The following ANO3 variants were observed in gnomAD, a reference collection of about 807,000 sequenced individuals.
ANO3 encodes anoctamin-3.
A neutral mutation model predicts 144.8 loss-of-function variants in ANO3; 99 were observed. The observed-to-expected ratio is 0.68, with a 90% CI of 0.58 to 0.81. The LOEUF (loss-of-function observed/expected upper bound fraction) is 0.81, where lower values mean the gene tolerates loss of function less well. Ranked by LOEUF, ANO3 falls within the 30% of genes least tolerant of loss-of-function variation. The pLI is 0.00. For synonymous variants in ANO3, 414 were observed against 392.6 expected, an observed-to-expected ratio of 1.05 and a Z score of -0.64; for missense variants, 905 against 1,202.2, an observed-to-expected ratio of 0.75 and a Z score of 3.66.
chr11:26,646,240 A>C (rs1485675815), intron 23 of ANO3, among the ~76,000 whole-genome samples: 2 of 152,166 alleles, frequency 1.3e-5, no homozygotes, highest in East Asian at 3.8e-4. Flanking sequence ...TTTTAATAGA[A>C]TAGTAATATT....
intron 4 of ANO3, among the ~76,000 whole-genome samples, chr11:26,464,048 T>C (rs1420089833): frequency 1.3e-5 from 2 of 151,910 alleles, no homozygotes; most frequent in Admixed American, 1.3e-4. Context: ...ACAATTTTCT[T>C]GGTGATATTT....
intron 1 of ANO3, among the ~76,000 whole-genome samples, chr11:26,414,884 A>G (rs1362074526): frequency 6.6e-6 from 1 of 151,962 alleles, no homozygotes; most frequent in East Asian, 1.9e-4. Flanking sequence ...TGATCATTAT[A>G]ATCTGGCCAA....
chr11:26,260,611 A>ATTTTAT, intron 1 of ANO3, among the ~76,000 whole-genome samples: 1 of 152,168 alleles, frequency 6.6e-6, no homozygotes, highest in African/African-American at 2.4e-5. Flanking sequence ...AGGGCAAGAA[A>ATTTTAT]AGATCCTGAT....
intron 6 of ANO3, among the ~76,000 whole-genome samples, chr11:26,524,215 A>G (rs555300301): frequency 2.0e-5 from 3 of 152,322 alleles, no homozygotes; most frequent in African/African-American, 7.2e-5. Context: ...AATTGAGTGA[A>G]GTACGCACAC....
intron 1 of ANO3, among the ~76,000 whole-genome samples, chr11:26,422,047 C>T (rs570523679): frequency 2.0e-5 from 3 of 151,984 alleles, no homozygotes; most frequent in Non-Finnish European, 2.9e-5. Flanking sequence ...CAAATGCCCA[C>T]GACACAAGTT....
At chr11:26,216,532 T>C (rs1025750118) in intron 1 of ANO3, among the ~76,000 whole-genome samples, 5 of 152,044 alleles carry the variant, frequency 3.3e-5, no homozygotes, top group Admixed American at 1.3e-4. Flanking sequence ...GTTAAAGATA[T>C]ATTGAATGCT....
rs928402639 is a variant in ANO3, at chr11:26,231,799, C to T, written c.154+42469C>T. ...ATGCTTGGTGCAGTTCATGTAAGATCGTAGTCAATAAATGTTATTTATTAT... is the reference window on the plus strand; with the variant it reads ...ATGCTTGGTGCAGTTCATGTAAGATTGTAGTCAATAAATGTTATTTATTAT... On this transcript the variant is annotated intron_variant, in intron 1 of 27. Transcript: ENST00000672621. 3.3e-5 allele frequency among the ~76,000 whole-genome samples: 5 copies of T among 152,098 alleles called. No homozygotes were observed. The South Asian group carries it at 6.2e-4, about 19-fold the overall frequency.
At chr11:26,621,255 C>T (rs1238921207) in intron 17 of ANO3, among the ~76,000 whole-genome samples, 3 of 152,238 alleles carry the variant, frequency 2.0e-5, no homozygotes, top group East Asian at 3.9e-4. Context: ...AAAATGCTTA[C>T]CATGGCCTAC....
chr11:26,576,601 C>G (rs150254227), intron 14 of ANO3, among the ~76,000 whole-genome samples: 2 of 152,300 alleles, frequency 1.3e-5, no homozygotes, highest in East Asian at 3.9e-4. Flanking sequence ...TTTCTCTGAT[C>G]ACACTTTGTA....
intron 4 of ANO3, among the ~76,000 whole-genome samples, chr11:26,504,120 G>A (rs1278985980): frequency 6.6e-6 from 1 of 152,194 alleles, no homozygotes; most frequent in Non-Finnish European, 1.5e-5. Flanking sequence ...GGAGATGCCT[G>A]TAAGCAGTGA....
intron 18 of ANO3, among the ~76,000 whole-genome samples, chr11:26,633,944 G>T (rs1204025057): frequency 6.6e-6 from 1 of 152,016 alleles, no homozygotes; most frequent in African/African-American, 2.4e-5. Flanking sequence ...CAGGCATGGT[G>T]GCGGGCGCTT....
Position 26,435,549 on chromosome 11 carries a change from G to T in ANO3, c.47-6369G>T, listed in dbSNP as rs115812431. ...GGGATTCCAGTGATTCATAGATTTG[G>T]TCTCTTGACATAATCCCACATTTAT... On this transcript the variant is annotated intron_variant, in intron 1 of 26. Coordinates refer to ENST00000256737, the MANE Select transcript of ANO3 (RefSeq NM_031418.4). Among the ~76,000 whole-genome samples, 1,008 of 152,156 alleles carry T rather than the reference G, an allele frequency of 6.6e-3. 22 individuals carry two copies. The highest frequency in any genetic ancestry group is 0.024 in the African/African-American group (985 of 41,510).
At chr11:26,623,364 A>C (rs1852477436) in intron 17 of ANO3, among the ~76,000 whole-genome samples, 1 of 152,214 alleles carries the variant, frequency 6.6e-6, no homozygotes, top group East Asian at 1.9e-4. Context: ...ACAATTTTTT[A>C]TTGAATTATG....
intron 4 of ANO3, 64 bp from the exon 5 acceptor site, chr11:26,508,040 A>G: frequency 2.1e-6 from 3 of 1,441,218 alleles, no homozygotes; most frequent in Non-Finnish European, 1.9e-6. Flanking sequence ...AATGGCAGTA[A>G]CTGTAACTAA....
At chr11:26,242,569 A>G (rs538533803) in intron 1 of ANO3, among the ~76,000 whole-genome samples, 49 of 152,236 alleles carry the variant, frequency 3.2e-4, no homozygotes, top group Middle Eastern at 3.4e-3. Context: ...CTGTACATCC[A>G]TTAATAATTT....
At chr11:26,329,567 C>T (rs753156682), upstream of ANO3, among the ~76,000 whole-genome samples, 2 of 152,138 alleles carry the variant, frequency 1.3e-5, no homozygotes, top group Admixed American at 6.5e-5. Context: ...ATAGTTTAAT[C>T]ATAGCTGCAC....
At chr11:26,392,239 C>CTAT (rs1856900711) in intron 1 of ANO3, among the ~76,000 whole-genome samples, 3 of 130,660 alleles carry the variant, frequency 2.3e-5, no homozygotes, top group African/African-American at 8.5e-5. Context: ...GAATTCCTGC[C>CTAT]TTTTTTTTTT....
intron 5 of ANO3, chr11:26,508,480 G>C: frequency 2.4e-6 from 1 of 417,352 alleles, no homozygotes; most frequent in Non-Finnish European, 4.1e-6. Flanking sequence ...CAAAGGGCAT[G>C]ACTATTTTTG....
chr11:26,634,659 C>G (rs975887954), intron 19 of ANO3, among the ~76,000 whole-genome samples: 18 of 152,126 alleles, frequency 1.2e-4, no homozygotes, highest in Admixed American at 8.5e-4. Context: ...ATGCTTAACA[C>G]TCCATCCAAT....
Sources: allele counts gnomAD v4.1 joint callset (sites outside exome capture counted in the v4.1 genomes callset), GRCh38; gene constraint gnomAD v4.1.1; transcripts MANE v1.5; gene names NCBI Gene and HGNC (gene_info 2026-07-23, HGNC 2026-07-21).